The following ABL1 variants were observed in gnomAD, a reference collection of about 807,000 sequenced individuals.
ABL1 encodes tyrosine-protein kinase ABL1.
In ABL1, 11 loss-of-function variants were observed where a neutral mutation model predicts 94.7. The ratio of observed to expected loss-of-function variants is 0.12; its 90% confidence interval spans 0.07 to 0.19. ABL1 has a LOEUF of 0.19. ABL1 is among the 10% of genes least tolerant of loss of function. The pLI, the probability that ABL1 is intolerant of heterozygous loss-of-function variation, is 1.00. For missense variants in ABL1, 1,082 were observed against 1,489.4 expected (o/e 0.73, Z 4.50); for synonymous variants, 656 against 622.4 (o/e 1.05, Z -0.80).
At chr9:130,781,079 A>C (rs566690628) in intron 1 of ABL1, among the ~76,000 whole-genome samples, 2 of 152,214 alleles carry the variant, frequency 1.3e-5, no homozygotes, top group African/African-American at 4.8e-5. Flanking sequence ...CAGTGAGTCA[A>C]CGCAGTCCCA....
rs888700159 is a variant in ABL1 at position 130,753,053 on chromosome 9, G to A, written c.136+38598G>A. ...GGGTGGATCACGAGGTCAGGAGATC[G>A]AGACCATCCTGGCTAACACGGTGAA... On this transcript the variant is annotated intron_variant, in intron 1 of 10. Coordinates refer to the ABL1 transcript ENST00000372348. 7.9e-5 allele frequency among the ~76,000 whole-genome samples: 12 copies of A among 151,740 alleles called. No individual in the cohort carries two copies. In the South Asian group the frequency reaches 1.5e-3, roughly 18 times the overall value.
intron 1 of ABL1, among the ~76,000 whole-genome samples, chr9:130,767,579 C>T (rs1053024197): frequency 6.6e-5 from 10 of 152,180 alleles, no homozygotes; most frequent in Non-Finnish European, 1.3e-4. Context: ...GTGATCCACC[C>T]GCCTGGGCCC....
intron 1 of ABL1, among the ~76,000 whole-genome samples, chr9:130,741,311 T>TA (rs1470160881): frequency 1.3e-5 from 2 of 152,180 alleles, no homozygotes; most frequent in Non-Finnish European, 2.9e-5. Context: ...GAGTAACAGT[T>TA]ACGGCACTGA....
At chr9:130,730,249 T>C (rs796334161) in intron 1 of ABL1, among the ~76,000 whole-genome samples, 5 of 145,446 alleles carry the variant, frequency 3.4e-5, no homozygotes, top group African/African-American at 1.3e-4. Flanking sequence ...TCTGTGTTGA[T>C]CAGGCTGGTC....
chr9:130,755,265 A>G (rs1349787716), intron 1 of ABL1, among the ~76,000 whole-genome samples: 2 of 152,212 alleles, frequency 1.3e-5, no homozygotes, highest in Non-Finnish European at 2.9e-5. Context: ...GGCAGAGGAC[A>G]CCAGTAGGCA....
intron 3 of ABL1, among the ~76,000 whole-genome samples, chr9:130,861,633 C>T (rs1260498414): frequency 6.6e-6 from 1 of 152,012 alleles, no homozygotes; most frequent in Non-Finnish European, 1.5e-5. Context: ...CCCTCTCGTC[C>T]CAAGCATCAC....
intron 1 of ABL1, among the ~76,000 whole-genome samples, chr9:130,779,975 A>C (rs1380251140): frequency 6.6e-6 from 1 of 152,172 alleles, no homozygotes; most frequent in African/African-American, 2.4e-5. Flanking sequence ...GTTCTTAAAA[A>C]GAGCACTGTG....
intron 3 of ABL1, among the ~76,000 whole-genome samples, chr9:130,859,717 G>A (rs1831037759): frequency 9.1e-6 from 1 of 110,006 alleles, no homozygotes; most frequent in Non-Finnish European, 1.7e-5. Context: ...GAGACAGGCT[G>A]TCACCCAGGC....
Position 130,854,964 on chromosome 9 carries a change from T to C in ABL1, c.417T>C (p.Tyr139=). 1 of 1,614,176 alleles carries C rather than the reference T, an allele frequency of 6.2e-7. No homozygotes were observed. The highest frequency in any genetic ancestry group is 8.5e-7 in the Non-Finnish European group (1 of 1,180,028). The change falls in exon 3 of 11, where the codon TAT becomes TAC. Residue 139 remains tyrosine (Y), a synonymous_variant. Transcript: ENST00000318560. The part of the protein sequence containing the change: ...HGPVSRNAAE[Y]LLSSGINGSF... ...CTGTGTCCCGCAATGCCGCTGAGTA[T>C]CTGCTGAGCAGCGGGATCAATGGCA...
intron 1 of ABL1, among the ~76,000 whole-genome samples, chr9:130,848,247 T>TC (rs1414003201): frequency 6.7e-6 from 1 of 148,396 alleles, no homozygotes; most frequent in Non-Finnish European, 1.5e-5. Context: ...CTGCCTGTAA[T>TC]CCCAGCACTT....
intron 10 of ABL1, among the ~76,000 whole-genome samples, chr9:130,882,216 C>T (rs1000796736): frequency 4.6e-5 from 7 of 152,142 alleles, no homozygotes; most frequent in Admixed American, 1.3e-4. Flanking sequence ...TGTTCATTTA[C>T]GCCCGTCAGT....
At position 130,747,841 on chromosome 9, in the gene ABL1, C is replaced by T. The variant is rs191745400; in HGVS notation, c.136+33386C>T. On this transcript the variant is annotated intron_variant, in intron 1 of 10. Coordinates refer to the ABL1 transcript ENST00000372348. ...CCTTTTCTCCCATATAGGGTACATT[C>T]ATAGGTTCCAGTAATTAGGACTGGC... Among the ~76,000 whole-genome samples the T allele has an allele frequency of 3.9e-5, 6 of 152,310 alleles. No individual in the cohort carries two copies. The East Asian group carries it at 1.2e-3, about 29-fold the overall frequency.
chr9:130,822,585 T>C (rs1296287372), intron 1 of ABL1, among the ~76,000 whole-genome samples: 2 of 151,896 alleles, frequency 1.3e-5, no homozygotes, highest in Non-Finnish European at 2.9e-5. Flanking sequence ...GTCTTTTGAT[T>C]ATAGCTATTG....
intron 1 of ABL1, chr9:130,724,902 C>T (rs1042137346): frequency 2.5e-5 from 10 of 402,898 alleles, no homozygotes. Context: ...AGCCTTGGCA[C>T]ACCAGTCATA....
intron 1 of ABL1, among the ~76,000 whole-genome samples, chr9:130,770,157 TTGTCTCTCTCTC>T (rs113745919): frequency 0.44 from 66,783 of 151,186 alleles, 15,299 homozygotes; most frequent in African/African-American, 0.53. Flanking sequence ...TTTCTACCAG[TTGTCTCTCTCTC>T]TGTCTCTCTC....
chr9:130,728,037 A>G (rs1831610300), intron 1 of ABL1, among the ~76,000 whole-genome samples: 2 of 151,946 alleles, frequency 1.3e-5, no homozygotes, highest in Non-Finnish European at 2.9e-5. Context: ...AAATATAACT[A>G]TAAATACTCT....
chr9:130,759,867 A>T (rs1832087951), intron 1 of ABL1, among the ~76,000 whole-genome samples: 1 of 151,744 alleles, frequency 6.6e-6, no homozygotes, highest in Admixed American at 6.6e-5. Context: ...GTTACAGCTC[A>T]CTGCAGCTCT....
chr9:130,880,285 G>A lies in ABL1; in HGVS notation c.1513+128G>A, dbSNP rs1588280917. 2.6e-6 allele frequency: 3 copies of A among 1,158,456 alleles called. No individual in the cohort carries two copies. Among genetic ancestry groups the A allele is most frequent in the East Asian group, 4.7e-5 (2 of 42,316 alleles). 71.8% of individuals were successfully genotyped at this position (1,158,456 alleles called of 1,614,324 possible). On this transcript the variant is annotated intron_variant, in intron 9 of 10. Transcript: ENST00000318560. This position sits in a 1 kb window ranked among gnomAD's most constrained non-coding sequence, Gnocchi z 4.4. ...CAGCCTGTCCTGAGACCAGAAAGCT[G>A]GGCAGAGGTGTGGAGTATTGTGCTT...
At chr9:130,735,043 T>C (rs1181782267) in intron 1 of ABL1, among the ~76,000 whole-genome samples, 1 of 152,132 alleles carries the variant, frequency 6.6e-6, no homozygotes, top group Non-Finnish European at 1.5e-5. Context: ...TTGTTGTGTT[T>C]TTTTGAGATA....
Sources: gnomAD v4.1 joint callset for allele counts (sites outside exome capture counted in the v4.1 genomes callset) on GRCh38, gnomAD v4.1.1 for gene constraint, Gnocchi (gnomAD v3.1) non-coding constraint, MANE v1.5 for transcripts, NCBI Gene and HGNC (gene_info 2026-07-23, HGNC 2026-07-21) for gene names.